Variants in FADS2 observed in about 807,000 individuals in gnomAD.
FADS2 encodes fatty acid desaturase 2, also known as acyl-CoA 6-desaturase.
Under a neutral mutation model 61.2 loss-of-function variants are expected in FADS2, and 18 were observed. The observed-to-expected ratio is 0.29, with a 90% CI of 0.20 to 0.44. The LOEUF is 0.44. Ranked by LOEUF, FADS2 falls within the 20% of genes least tolerant of loss-of-function variation. The probability of loss-of-function intolerance (pLI) is 1.00; values close to 1 mark genes in which losing one functional copy is unlikely to be tolerated. For missense variants in FADS2, 322 were observed against 572.7 expected (o/e 0.56, Z 4.47); for synonymous variants, 203 against 223.9 (o/e 0.91, Z 0.83).
chr11:61,819,125 C>T (rs1486450633), intron 1 of FADS2, among the ~76,000 whole-genome samples: 4 of 152,076 alleles, frequency 2.6e-5, no homozygotes, highest in Non-Finnish European at 4.4e-5. Flanking sequence ...CTGCCCGCCT[C>T]GGCCTCCCAA....
intron 7 of FADS2, among the ~76,000 whole-genome samples, chr11:61,858,961 A>T (rs1286149625): frequency 1.3e-5 from 2 of 152,236 alleles, no homozygotes; most frequent in East Asian, 3.8e-4. Context: ...AGTCTTTCTC[A>T]GCAGTCTATT....
chr11:61,825,848 G>T (rs1032136210), upstream of FADS2, among the ~76,000 whole-genome samples: 1 of 152,038 alleles, frequency 6.6e-6, no homozygotes, highest in Non-Finnish European at 1.5e-5. Flanking sequence ...AGTAGAGATC[G>T]CACCACTGCA....
At chr11:61,854,084 G>C (rs174599) in intron 5 of FADS2, 70,395 of 152,196 alleles carry the variant, frequency 0.46, 17,573 homozygotes, top group African/African-American at 0.61. Context: ...AGGCACTGTT[G>C]CTGATCAGGG....
upstream of FADS2, chr11:61,828,241 A>G (rs184572368): frequency 4.2e-6 from 6 of 1,433,064 alleles, no homozygotes; most frequent in Non-Finnish European, 5.5e-6. This position sits in a 1 kb window ranked among gnomAD's most constrained non-coding sequence, Gnocchi z 6.4. Context: ...AGGCTGGGGG[A>G]GGGGGCGCGG....
At chr11:61,864,816 G>A (rs1311166496) in intron 10 of FADS2, among the ~76,000 whole-genome samples, 2 of 152,172 alleles carry the variant, frequency 1.3e-5, no homozygotes, top group South Asian at 2.1e-4. Flanking sequence ...GATTACAGGC[G>A]TGAGCCACCG....
At chr11:61,864,754 T>G (rs980816854) in intron 10 of FADS2, among the ~76,000 whole-genome samples, 16 of 152,256 alleles carry the variant, frequency 1.1e-4, no homozygotes, top group African/African-American at 3.6e-4. Context: ...CAGGCTGATC[T>G]CAAACTTCTG....
chr11:61,817,221 G>C (rs1218942290), intron 1 of FADS2: 2 of 361,396 alleles, frequency 5.5e-6, no homozygotes, highest in Non-Finnish European at 4.9e-6. Flanking sequence ...CCGGGGTTGA[G>C]GTTTTTCCGT....
intron 4 of FADS2, among the ~76,000 whole-genome samples, chr11:61,843,752 G>A (rs1429469531): frequency 1.3e-5 from 2 of 152,202 alleles, no homozygotes; most frequent in Middle Eastern, 3.4e-3. Context: ...TCCGTCTCCC[G>A]GGTTCAAGCG....
At chr11:61,842,752 G>A (rs542595719) in intron 4 of FADS2, among the ~76,000 whole-genome samples, 11 of 152,370 alleles carry the variant, frequency 7.2e-5, no homozygotes, top group Admixed American at 2.0e-4. Flanking sequence ...CCCAGAGCAC[G>A]GAGGTCAAGC....
At chr11:61,826,146 C>T, upstream of FADS2, 1 of 702,628 alleles carries the variant, frequency 1.4e-6, no homozygotes, top group Non-Finnish European at 2.6e-6. Flanking sequence ...TGGTAAAGTC[C>T]TCCCTTCCTA....
intron 7 of FADS2, among the ~76,000 whole-genome samples, chr11:61,859,353 G>T (rs971297459): frequency 1.3e-5 from 2 of 152,160 alleles, no homozygotes; most frequent in Non-Finnish European, 2.9e-5. Flanking sequence ...CACCGCGCCC[G>T]GCCTGTTGAT....
intron 5 of FADS2, chr11:61,855,523 T>C (rs899060930): frequency 1.3e-5 from 2 of 152,280 alleles, no homozygotes; most frequent in Non-Finnish European, 2.9e-5. Context: ...GCCTTAATAA[T>C]AGTCTTCCTG....
upstream of FADS2, among the ~76,000 whole-genome samples, chr11:61,825,152 T>C (rs184593931): frequency 1.4e-3 from 210 of 152,332 alleles, 1 homozygote; most frequent in African/African-American, 4.5e-3. Context: ...ATAGAATTTT[T>C]AATTTTTCAC....
chr11:61,854,228 C>T (rs1325099645), intron 5 of FADS2: 5 of 152,280 alleles, frequency 3.3e-5, no homozygotes, highest in Admixed American at 2.6e-4. Context: ...GTGGGGTCCT[C>T]CACTCCCCAC....
rs145442804 is a variant in FADS2, at chr11:61,863,003, G to A, written c.914G>A (p.Arg305Gln). The A allele has an allele frequency of 3.1e-6, 5 of 1,614,060 alleles. No homozygotes were observed. In the African/African-American group the frequency reaches 4.0e-5, roughly 13 times the overall value. Residue 305 changes from arginine (R) to glutamine (Q), a missense_variant, in exon 8 of 12, where the codon CGG becomes CAG. Around this residue, in one of 3 missense-constraint regions of FADS2, gnomAD observed 221 missense variants for 427.9 expected, o/e 0.52. Transcript: ENST00000278840. ...DLAWAVSYYI[R>Q]FFITYIPFYG... ...GCCTGGGCCGTCAGCTACTACATCCGGTTCTTCATCACCTACATCCCTTTC... is the reference window on the plus strand; with the variant it reads ...GCCTGGGCCGTCAGCTACTACATCCAGTTCTTCATCACCTACATCCCTTTC...
intron 1 of FADS2, chr11:61,821,542 C>T (rs994634836): frequency 1.2e-5 from 8 of 660,820 alleles, no homozygotes; most frequent in Non-Finnish European, 2.2e-5. Context: ...GGATCCTTTA[C>T]AAAGTCAACA....
chr11:61,862,726 G>A (rs926487651), intron 7 of FADS2: 27 of 519,090 alleles, frequency 5.2e-5, no homozygotes, highest in East Asian at 3.5e-4. Flanking sequence ...AGGAGGGTCC[G>A]TTTCTCTCCC....
upstream of FADS2, chr11:61,828,034 G>A (rs974867944): frequency 7.2e-5 from 83 of 1,158,324 alleles, no homozygotes; most frequent in Admixed American, 1.5e-3. This position sits in a 1 kb window ranked among gnomAD's most constrained non-coding sequence, Gnocchi z 6.4. Flanking sequence ...GGAGGATGTG[G>A]AACCCGAGGC....
intron 6 of FADS2, 21 bp from the exon 7 acceptor site, chr11:61,857,433 G>A (rs760783760): frequency 6.2e-7 from 1 of 1,611,020 alleles, no homozygotes; most frequent in South Asian, 1.1e-5. Flanking sequence ...ATGCCTCTAA[G>A]CGCCTGTCTC....
Sources: allele counts gnomAD v4.1 joint callset (sites outside exome capture counted in the v4.1 genomes callset), GRCh38; gene constraint gnomAD v4.1.1; regional missense constraint gnomAD v4.1.1; non-coding constraint Gnocchi (gnomAD v3.1); transcripts MANE v1.5; gene names NCBI Gene and HGNC (gene_info 2026-07-23, HGNC 2026-07-21).